Variants in CDH11 observed in about 807,000 individuals in gnomAD.
The protein encoded by CDH11 is cadherin 11, also known as cadherin-11.
A neutral mutation model predicts 67.8 loss-of-function variants in CDH11; 11 were observed. That is an observed-to-expected ratio of 0.16 (90% CI 0.10 to 0.27). CDH11 has a LOEUF of 0.27. CDH11 is among the 10% of genes least tolerant of loss of function. The pLI, the probability that CDH11 is intolerant of heterozygous loss-of-function variation, is 1.00. For synonymous variants in CDH11, 419 were observed against 400.0 expected (o/e 1.05, Z -0.57); for missense variants, 847 against 1,031.2 (o/e 0.82, Z 2.45).
intron 11 of CDH11, chr16:64,968,536 T>G (rs1393251920): frequency 1.0e-6 from 1 of 985,286 alleles, no homozygotes; most frequent in Non-Finnish European, 1.2e-6. Context: ...GTGTTCTATT[T>G]TCCTGCTGCC....
chr16:65,061,484 G>T (rs1049612972), intron 1 of CDH11, among the ~76,000 whole-genome samples: 1 of 152,078 alleles, frequency 6.6e-6, no homozygotes, highest in Non-Finnish European at 1.5e-5. Flanking sequence ...GCATTATTTG[G>T]TTTGTTTTCT....
intron 2 of CDH11, among the ~76,000 whole-genome samples, chr16:65,006,207 T>C (rs1339765986): frequency 6.6e-6 from 1 of 152,168 alleles, no homozygotes; most frequent in Non-Finnish European, 1.5e-5. Context: ...TCACCACCAA[T>C]GTGAGGGAAT....
At chr16:65,013,077 C>T (rs2073215336) in intron 2 of CDH11, among the ~76,000 whole-genome samples, 2 of 152,164 alleles carry the variant, frequency 1.3e-5, no homozygotes, top group Admixed American at 1.3e-4. Context: ...TGCATATCTG[C>T]AGGGGCTTGT....
chr16:65,009,972 A>T (rs1451061667), intron 2 of CDH11, among the ~76,000 whole-genome samples: 1 of 152,194 alleles, frequency 6.6e-6, no homozygotes, highest in Non-Finnish European at 1.5e-5. Context: ...AGAAAATGAC[A>T]TATACGGGTG....
chr16:64,948,505 T>A (rs2071254553), intron 12 of CDH11: 1 of 967,016 alleles, frequency 1.0e-6, no homozygotes, highest in South Asian at 1.4e-5. Flanking sequence ...AATGAGGACA[T>A]GCAGAGCCCT....
At chr16:64,971,256 T>C (rs1487391576) in intron 11 of CDH11, among the ~76,000 whole-genome samples, 1 of 152,174 alleles carries the variant, frequency 6.6e-6, no homozygotes, top group Admixed American at 6.6e-5. Flanking sequence ...TTCATAAAGC[T>C]ATCCTTCCCC....
chr16:65,115,952 G>T (rs1001217712), intron 1 of CDH11, among the ~76,000 whole-genome samples: 10 of 151,918 alleles, frequency 6.6e-5, no homozygotes, highest in African/African-American at 2.4e-4. Context: ...AAATAATGAA[G>T]ATTAGTGGGG....
intron 11 of CDH11, chr16:64,968,481 G>A (rs1437940158): frequency 1.0e-6 from 1 of 984,764 alleles, no homozygotes; most frequent in Non-Finnish European, 1.2e-6. Context: ...CACCATTCCT[G>A]ATATTAACAG....
intron 6 of CDH11, 61 bp downstream of exon 6, chr16:64,991,707 G>C: frequency 1.6e-6 from 2 of 1,274,000 alleles, no homozygotes; most frequent in Non-Finnish European, 2.3e-6. Flanking sequence ...GAATAGGTTA[G>C]AGGAGGGAGA....
At chr16:65,115,076 A>G (rs7188951) in intron 1 of CDH11, among the ~76,000 whole-genome samples, 18,783 of 152,132 alleles carry the variant, frequency 0.12, 1,256 homozygotes, top group East Asian at 0.21. Flanking sequence ...CCCCTTTTAA[A>G]CGAAAGCAAA....
chr16:65,011,440 C>G (rs2073183219), intron 2 of CDH11, among the ~76,000 whole-genome samples: 1 of 152,104 alleles, frequency 6.6e-6, no homozygotes, highest in South Asian at 2.1e-4. Flanking sequence ...TAAATACAAT[C>G]AGACTTTACA....
chr16:65,031,863 C>T (rs986009916), intron 2 of CDH11, among the ~76,000 whole-genome samples: 2 of 151,992 alleles, frequency 1.3e-5, no homozygotes, highest in African/African-American at 4.8e-5. Flanking sequence ...AAAAAATAGC[C>T]AAAAGTCCAT....
At chr16:65,051,770 C>A (rs1407245020) in intron 2 of CDH11, among the ~76,000 whole-genome samples, 1 of 152,152 alleles carries the variant, frequency 6.6e-6, no homozygotes, top group African/African-American at 2.4e-5. Context: ...ATATGCTTCT[C>A]TTCTCTCTTC....
intron 12 of CDH11, among the ~76,000 whole-genome samples, chr16:64,949,906 A>C (rs891922716): frequency 1.3e-5 from 2 of 152,158 alleles, no homozygotes; most frequent in Non-Finnish European, 2.9e-5. Flanking sequence ...CGTTGCCCAG[A>C]GAATACCCAG....
chr16:64,964,850 G>A (rs1384426511), intron 11 of CDH11, among the ~76,000 whole-genome samples: 1 of 151,946 alleles, frequency 6.6e-6, no homozygotes, highest in African/African-American at 2.4e-5. Context: ...GCCCAGCCCT[G>A]TAGACTTTAT....
rs114934654 is a variant in CDH11, at chr16:65,066,522, G to A, written c.-297-12594C>T. Among the ~76,000 whole-genome samples, 530 of 152,226 alleles carry A rather than the reference G, an allele frequency of 3.5e-3. 2 individuals are homozygous for A. The highest frequency in any genetic ancestry group is 0.012 in the African/African-American group (492 of 41,530). The stretch of plus-strand genomic sequence containing the variant: ...AAATTAGCAGCAAAGAATTAGACAG[G>A]GATAACTTACACAAAGAAAATTTTA... On this transcript the variant is annotated intron_variant, in intron 1 of 12. Transcript: ENST00000268603.
chr16:65,025,317 T>G (rs544151093), intron 2 of CDH11, among the ~76,000 whole-genome samples: 1 of 152,298 alleles, frequency 6.6e-6, no homozygotes, highest in Admixed American at 6.5e-5. Context: ...CAGTGGCAAC[T>G]TACATTTATT....
chr16:65,025,399 C>T (rs1441133405), intron 2 of CDH11, among the ~76,000 whole-genome samples: 2 of 152,102 alleles, frequency 1.3e-5, no homozygotes, highest in Non-Finnish European at 1.5e-5. Context: ...TGCAGTGGCG[C>T]GATCTTGGCT....
chr16:65,122,728 G>A (rs781342154), upstream of CDH11, among the ~76,000 whole-genome samples: 1 of 152,058 alleles, frequency 6.6e-6, no homozygotes, highest in East Asian at 1.9e-4. Flanking sequence ...CTTAGGACTT[G>A]GGAAGAGCCC....
Sources: gnomAD v4.1 joint callset for allele counts (sites outside exome capture counted in the v4.1 genomes callset) on GRCh38, gnomAD v4.1.1 for gene constraint, MANE v1.5 for transcripts, NCBI Gene and HGNC (gene_info 2026-07-23, HGNC 2026-07-21) for gene names.